The following SNTG2 variants were observed in gnomAD, a reference collection of about 807,000 sequenced individuals.
The protein encoded by SNTG2 is gamma-2-syntrophin.
A neutral mutation model predicts 70.9 loss-of-function variants in SNTG2; 74 were observed. The ratio of observed to expected loss-of-function variants is 1.04; its 90% CI spans 0.86 to 1.27. The LOEUF (loss-of-function observed/expected upper bound fraction) is 1.27. Among genes scored for constraint, SNTG2 ranks in the 50% most tolerant of loss-of-function variants. SNTG2 has a pLI of 0.00. For missense variants in SNTG2, 717 were observed against 690.7 expected (o/e 1.04, Z -0.43); for synonymous variants, 278 against 273.8 (o/e 1.02, Z -0.15).
chr2:1,113,042 C>A (rs1420346314), intron 4 of SNTG2, among the ~76,000 whole-genome samples: 1 of 151,584 alleles, frequency 6.6e-6, no homozygotes, highest in Non-Finnish European at 1.5e-5. Context: ...GTAACCCTTA[C>A]AGTCCTTTGA....
At chr2:1,248,019 A>G (rs1677537342) in intron 12 of SNTG2, among the ~76,000 whole-genome samples, 1 of 152,170 alleles carries the variant, frequency 6.6e-6, no homozygotes, top group South Asian at 2.1e-4. Context: ...AAACAGCTTT[A>G]CTTTTGAGAG....
At chr2:1,004,241 T>A (rs1659497051) in intron 1 of SNTG2, among the ~76,000 whole-genome samples, 1 of 152,210 alleles carries the variant, frequency 6.6e-6, no homozygotes, top group African/African-American at 2.4e-5. Flanking sequence ...TCTTACAAGA[T>A]AACACAGGAA....
At chr2:1,102,353 G>T (rs997379376) in intron 4 of SNTG2, among the ~76,000 whole-genome samples, 8 of 152,178 alleles carry the variant, frequency 5.3e-5, no homozygotes, top group Middle Eastern at 3.2e-3. Flanking sequence ...AGGGAGGAAG[G>T]TGGAGAGCCA....
At chr2:1,010,688 G>A (rs1382817373) in intron 1 of SNTG2, among the ~76,000 whole-genome samples, 1 of 152,216 alleles carries the variant, frequency 6.6e-6, no homozygotes, top group African/African-American at 2.4e-5. Context: ...TTGTTAGAAC[G>A]TGATTGAAAG....
intron 4 of SNTG2, 98 bp downstream of exon 4, chr2:1,098,508 G>T: frequency 2.3e-6 from 3 of 1,280,442 alleles, no homozygotes; most frequent in South Asian, 2.5e-5. Flanking sequence ...TGTTTTGCTC[G>T]ATTACCTAAA....
chr2:1,257,071 T>C (rs1678162249), intron 12 of SNTG2, among the ~76,000 whole-genome samples: 1 of 152,082 alleles, frequency 6.6e-6, no homozygotes, highest in South Asian at 2.1e-4. Flanking sequence ...ACCTCCCCTG[T>C]TCCTAACACT....
intron 1 of SNTG2, among the ~76,000 whole-genome samples, chr2:962,238 A>G (rs890384257): frequency 2.6e-5 from 4 of 152,110 alleles, no homozygotes; most frequent in Non-Finnish European, 4.4e-5. Flanking sequence ...TATCCCGGCT[A>G]ACTTTTTAAC....
intron 14 of SNTG2, among the ~76,000 whole-genome samples, chr2:1,292,824 T>C (rs1479066015): frequency 6.6e-6 from 1 of 152,206 alleles, no homozygotes; most frequent in Non-Finnish European, 1.5e-5. Context: ...GTAGAATCCT[T>C]GTCTGGGTTT....
chr2:1,216,516 T>G (rs976324235), intron 9 of SNTG2, among the ~76,000 whole-genome samples: 7 of 152,226 alleles, frequency 4.6e-5, no homozygotes, highest in Non-Finnish European at 8.8e-5. Flanking sequence ...GCCTGTTCAC[T>G]CTGATGGTAG....
chr2:1,298,719 A>G (rs1322506519), intron 14 of SNTG2, among the ~76,000 whole-genome samples: 1 of 152,172 alleles, frequency 6.6e-6, no homozygotes, highest in Non-Finnish European at 1.5e-5. Context: ...ATTGGCTTGA[A>G]GGACACAAAG....
chr2:1,262,650 T>TCAGTCCAGACGG (rs1482823940), intron 13 of SNTG2, among the ~76,000 whole-genome samples: 1 of 112,376 alleles, frequency 8.9e-6, no homozygotes, highest in Non-Finnish European at 1.7e-5. Context: ...AGTCCAGACG[T>TCAGTCCAGACGG]AGTAACCGGA....
chr2:1,191,304 T>C (rs904421392), intron 8 of SNTG2, among the ~76,000 whole-genome samples: 1 of 152,216 alleles, frequency 6.6e-6, no homozygotes, highest in Admixed American at 6.5e-5. Context: ...CAAATTGAAG[T>C]GCATTTGAAT....
At chr2:1,142,914 G>A (rs1267400653) in intron 6 of SNTG2, among the ~76,000 whole-genome samples, 1 of 152,194 alleles carries the variant, frequency 6.6e-6, no homozygotes, top group Non-Finnish European at 1.5e-5. Flanking sequence ...ATATGCATGG[G>A]ATAGCTTTTC....
chr2:975,074 C>T lies in SNTG2; in HGVS notation c.72+24006C>T, dbSNP rs141394378. 4.3e-4 allele frequency among the ~76,000 whole-genome samples: 65 copies of T among 152,150 alleles called. No individual in the cohort carries two copies. The Middle Eastern group carries it at 0.02, about 48-fold the overall frequency. The stretch of plus-strand genomic sequence containing the variant: ...CTCACACCCAGGAGCAAACAACATG[C>T]GCTTGCACCCACTCACACCCATGAA... On this transcript the variant is annotated intron_variant, in intron 1 of 16. Transcript: ENST00000308624.
intron 14 of SNTG2, among the ~76,000 whole-genome samples, chr2:1,278,071 T>TA (rs895765519): frequency 6.6e-6 from 1 of 152,236 alleles, no homozygotes; most frequent in Non-Finnish European, 1.5e-5. Context: ...AGTTAATCGG[T>TA]AAAATTTTCT....
At chr2:966,380 C>T (rs13416840) in intron 1 of SNTG2, among the ~76,000 whole-genome samples, 52,073 of 151,632 alleles carry the variant, frequency 0.34, 9,672 homozygotes, top group Middle Eastern at 0.47. Context: ...CTTTTTTTAA[C>T]CTTGAGAGAA....
chr2:1,204,683 A>G (rs1673513044), intron 8 of SNTG2, among the ~76,000 whole-genome samples: 1 of 152,194 alleles, frequency 6.6e-6, no homozygotes, highest in Admixed American at 6.5e-5. Flanking sequence ...TTCTTTACAG[A>G]ATAGCGATGT....
intron 1 of SNTG2, among the ~76,000 whole-genome samples, chr2:1,071,543 C>T (rs966579337): frequency 4.7e-5 from 7 of 149,894 alleles, no homozygotes; most frequent in Admixed American, 4.0e-4. Flanking sequence ...GGAGATATAC[C>T]TAATGCTAGA....
At chr2:1,163,564 C>A (rs1004916374) in intron 6 of SNTG2, 3 of 150,562 alleles carry the variant, frequency 2.0e-5, no homozygotes, top group Non-Finnish European at 4.4e-5. Flanking sequence ...AGCCTCCCAA[C>A]AGCACCTGCG....
Sources: gnomAD v4.1 joint callset for allele counts (sites outside exome capture counted in the v4.1 genomes callset) on GRCh38, gnomAD v4.1.1 for gene constraint, MANE v1.5 for transcripts, NCBI Gene and HGNC (gene_info 2026-07-23, HGNC 2026-07-21) for gene names.